The following MSI2 variants were observed in gnomAD, a reference collection of about 807,000 sequenced individuals.
MSI2 encodes the protein musashi RNA binding protein 2.
In MSI2, 17 loss-of-function variants were observed where a neutral mutation model predicts 45.6. The observed-to-expected ratio is 0.37, with a 90% CI of 0.26 to 0.56. MSI2 has a LOEUF of 0.56. Among genes scored for constraint, MSI2 ranks in the 20% least tolerant of loss-of-function variants. MSI2 has a pLI of 0.77. For missense variants in MSI2, 293 were observed against 444.2 expected (o/e 0.66, Z 3.06); for synonymous variants, 156 against 158.2 (o/e 0.99, Z 0.11).
At chr17:57,620,848 C>G (rs1277140575) in intron 9 of MSI2, among the ~76,000 whole-genome samples, 1 of 152,152 alleles carries the variant, frequency 6.6e-6, no homozygotes, top group African/African-American at 2.4e-5. Context: ...AGCCAGAGGT[C>G]CAGGCAGAAG....
At chr17:57,281,001 G>A (rs912360898) in intron 5 of MSI2, among the ~76,000 whole-genome samples, 1 of 152,196 alleles carries the variant, frequency 6.6e-6, no homozygotes, top group Non-Finnish European at 1.5e-5. Flanking sequence ...CAGGCCAGGG[G>A]CCCAAGGAGG....
At chr17:57,398,444 AACT>A (rs1463403990) in intron 5 of MSI2, among the ~76,000 whole-genome samples, 1 of 152,238 alleles carries the variant, frequency 6.6e-6, no homozygotes, top group Non-Finnish European at 1.5e-5. Flanking sequence ...TCTAAAATTA[AACT>A]ATTGGGAATC....
intron 6 of MSI2, among the ~76,000 whole-genome samples, chr17:57,458,213 G>A (rs2085153970): frequency 6.7e-6 from 1 of 148,712 alleles, no homozygotes; most frequent in Admixed American, 6.9e-5. Flanking sequence ...CCATTCTCTT[G>A]CCTCAGCCTC....
At position 57,379,734 on chromosome 17, in the gene MSI2, G is replaced by T. The variant is rs1344082810; in HGVS notation, c.313-21645G>T. ...GGGAGAGAAGTGGGGCCCCTGGAGTGGCCCCTCGCCCTCTTAACCCTCCTC... is the reference window on the plus strand; with the variant it reads ...GGGAGAGAAGTGGGGCCCCTGGAGTTGCCCCTCGCCCTCTTAACCCTCCTC... On this transcript the variant is annotated intron_variant, in intron 5 of 13. Transcript: ENST00000284073. Among the ~76,000 whole-genome samples, 3 of 151,922 alleles carry T rather than the reference G, an allele frequency of 2.0e-5. No individual in the cohort carries two copies. The East Asian group carries it at 5.8e-4, about 29-fold the overall frequency.
chr17:57,291,344 A>T (rs1910401422), intron 5 of MSI2, among the ~76,000 whole-genome samples: 1 of 152,084 alleles, frequency 6.6e-6, no homozygotes, highest in Admixed American at 6.6e-5. Context: ...TGGCTTTCTT[A>T]CCCCAACTAT....
intron 6 of MSI2, among the ~76,000 whole-genome samples, chr17:57,505,964 G>T (rs2086218560): frequency 6.6e-6 from 1 of 152,178 alleles, no homozygotes; most frequent in East Asian, 1.9e-4. Flanking sequence ...TACCTCCACT[G>T]CTCAGGCTCT....
intron 6 of MSI2, among the ~76,000 whole-genome samples, chr17:57,415,174 G>A (rs1295230649): frequency 6.6e-6 from 1 of 152,142 alleles, no homozygotes; most frequent in Non-Finnish European, 1.5e-5. Context: ...GCATCGGGCA[G>A]TTTCTCTCCC....
intron 6 of MSI2, among the ~76,000 whole-genome samples, chr17:57,504,870 G>T (rs2143895549): frequency 6.6e-6 from 1 of 151,530 alleles, no homozygotes; most frequent in South Asian, 2.1e-4. Context: ...GGCGGAGGTT[G>T]TGGTGAGCCG....
At chr17:57,538,771 A>G (rs1321053276) in intron 7 of MSI2, among the ~76,000 whole-genome samples, 2 of 152,306 alleles carry the variant, frequency 1.3e-5, no homozygotes, top group East Asian at 1.9e-4. Context: ...TGCATGGAAT[A>G]TCTTTGAAAG....
At chr17:57,558,696 C>T (rs757868412) in intron 7 of MSI2, among the ~76,000 whole-genome samples, 16 of 152,222 alleles carry the variant, frequency 1.1e-4, no homozygotes, top group South Asian at 6.2e-4. Context: ...TGCTGGATCC[C>T]GCTGTCTCTT....
chr17:57,402,830 G>A (rs1208592763), intron 6 of MSI2, among the ~76,000 whole-genome samples: 1 of 152,152 alleles, frequency 6.6e-6, no homozygotes, highest in East Asian at 1.9e-4. Flanking sequence ...GCCCTTTCTG[G>A]TATTGTCAGC....
intron 7 of MSI2, among the ~76,000 whole-genome samples, chr17:57,594,647 C>A (rs189842729): frequency 2.0e-5 from 3 of 152,290 alleles, no homozygotes; most frequent in Admixed American, 2.0e-4. Context: ...GCGTTCCCAG[C>A]AGCTTTCTCT....
intron 7 of MSI2, among the ~76,000 whole-genome samples, chr17:57,546,931 C>T (rs867840787): frequency 1.9e-4 from 29 of 152,264 alleles, no homozygotes; most frequent in South Asian, 2.1e-4. Context: ...TCATGTTCTG[C>T]GGGGAGAAGG....
intron 11 of MSI2, among the ~76,000 whole-genome samples, chr17:57,659,765 G>C (rs561542056): frequency 2.4e-4 from 37 of 152,246 alleles, no homozygotes; most frequent in African/African-American, 8.9e-4. Flanking sequence ...GCCCATGTAG[G>C]GACAGCCCAA....
At chr17:57,450,271 G>GAAAGAAAGA (rs1555607236) in intron 6 of MSI2, 16 of 92,306 alleles carry the variant, frequency 1.7e-4, no homozygotes, top group African/African-American at 4.0e-4. Context: ...AAGAAAGAAA[G>GAAAGAAAGA]AAAGAAAGAA....
intron 11 of MSI2, among the ~76,000 whole-genome samples, chr17:57,674,273 A>T (rs1354680090): frequency 7.1e-4 from 2 of 2,820 alleles, no homozygotes; most frequent in Non-Finnish European, 1.2e-3. Flanking sequence ...GCCAGTGGGG[A>T]GGGGCGGGTG....
intron 6 of MSI2, among the ~76,000 whole-genome samples, chr17:57,414,973 A>G (rs1330619058): frequency 6.6e-6 from 1 of 151,984 alleles, no homozygotes; most frequent in African/African-American, 2.4e-5. Context: ...GGGATATGCA[A>G]CTCTGTTTCA....
intron 5 of MSI2, among the ~76,000 whole-genome samples, chr17:57,282,787 A>G (rs927867297): frequency 8.0e-6 from 1 of 125,250 alleles, no homozygotes; most frequent in Non-Finnish European, 1.6e-5. Context: ...CACTTTCTCT[A>G]AAGCGTTTAC....
chr17:57,696,115 A>G, the MSI2 span, among the ~76,000 whole-genome samples: 1 of 152,212 alleles, frequency 6.6e-6, no homozygotes, highest in Non-Finnish European at 1.5e-5. Context: ...CACCCCCCCA[A>G]AAAAGCTGGA....
Sources: allele counts gnomAD v4.1 joint callset (sites outside exome capture counted in the v4.1 genomes callset), GRCh38; gene constraint gnomAD v4.1.1; transcripts MANE v1.5; gene names NCBI Gene and HGNC (gene_info 2026-07-23, HGNC 2026-07-21).